Variants in PTPRK observed in about 807,000 individuals in gnomAD.
PTPRK encodes receptor-type tyrosine-protein phosphatase kappa.
In PTPRK, 75 loss-of-function variants were observed where a neutral mutation model predicts 178.0. The observed-to-expected ratio is 0.42, with a 90% CI of 0.35 to 0.51. The LOEUF is 0.51. Ranked by LOEUF, PTPRK falls within the 20% of genes least tolerant of loss-of-function variation. The pLI is 0.02. For missense variants in PTPRK, 1,441 were observed against 1,797.8 expected, an observed-to-expected ratio of 0.80 and a Z score of 3.59; for synonymous variants, 637 against 620.6, an observed-to-expected ratio of 1.03 and a Z score of -0.39.
At chr6:128,220,991 C>A (rs1810301221) in intron 5 of PTPRK, among the ~76,000 whole-genome samples, 3 of 152,124 alleles carry the variant, frequency 2.0e-5, no homozygotes, top group East Asian at 1.9e-4. Flanking sequence ...TAACAAATTT[C>A]TGGCACTCAT....
intron 25 of PTPRK, among the ~76,000 whole-genome samples, chr6:127,979,698 G>A (rs561230339): frequency 7.9e-5 from 12 of 152,264 alleles, no homozygotes; most frequent in East Asian, 3.9e-4. Flanking sequence ...AAGACTACTC[G>A]TAGAAACAGA....
Position 128,082,489 on chromosome 6 carries a change from C to T in PTPRK, c.1725G>A (p.Thr575=), listed in dbSNP as rs780380597. The T allele has an allele frequency of 9.3e-6, 15 of 1,613,396 alleles. No homozygotes were observed. Among genetic ancestry groups the T allele is most frequent in the East Asian group, 4.5e-5 (2 of 44,858 alleles). ...TTYQFFIRAS[T]VKGFGPATAI... is the part of the protein sequence containing the mutation. ...CTGTGGCTGGACCAAAGCCTTTGACCGTGCTGGCTCTTATGAAAAACTGGT... is the reference window on the plus strand; with the variant it reads ...CTGTGGCTGGACCAAAGCCTTTGACTGTGCTGGCTCTTATGAAAAACTGGT... The change falls in exon 10 of 30, where the codon ACG becomes ACA. Residue 575 remains threonine, a synonymous_variant. Coordinates refer to ENST00000368226, the MANE Select transcript of PTPRK (RefSeq NM_002844.4).
At chr6:128,353,258 C>T (rs892868411) in intron 2 of PTPRK, among the ~76,000 whole-genome samples, 4 of 152,124 alleles carry the variant, frequency 2.6e-5, no homozygotes, top group Non-Finnish European at 5.9e-5. Flanking sequence ...TCATACATTG[C>T]TGATGGGAAT....
chr6:127,984,150 T>C (rs1447398190), intron 22 of PTPRK, among the ~76,000 whole-genome samples: 4 of 152,206 alleles, frequency 2.6e-5, no homozygotes, highest in African/African-American at 9.6e-5. Flanking sequence ...CTTGGGTACA[T>C]AGTGATATTT....
chr6:128,394,509 T>C (rs552474952), intron 2 of PTPRK, among the ~76,000 whole-genome samples: 1 of 152,352 alleles, frequency 6.6e-6, no homozygotes, highest in African/African-American at 2.4e-5. Flanking sequence ...TTCCACTGAT[T>C]GTACAGTAGT....
chr6:128,520,456 G>T lies in PTPRK; in HGVS notation c.-98C>A. ...AGGAGCGGGCCGGGCCTCGCGGGGT[G>T]AGGACGGTGAGAGGACAGCCGCCCG... On this transcript the variant is annotated 5_prime_UTR_variant, in exon 1 of 30. Coordinates refer to ENST00000368226, the MANE Select transcript of PTPRK (RefSeq NM_002844.4). 1 of 1,179,232 alleles carries T rather than the reference G, an allele frequency of 8.5e-7. No homozygotes were observed. Among genetic ancestry groups the T allele is most frequent in the Non-Finnish European group, 1.2e-6 (1 of 816,290 alleles). 73.0% of individuals were successfully genotyped at this position (1,179,232 alleles called of 1,614,324 possible).
chr6:128,419,396 A>G (rs1416663269), intron 1 of PTPRK, among the ~76,000 whole-genome samples: 1 of 152,192 alleles, frequency 6.6e-6, no homozygotes, highest in Non-Finnish European at 1.5e-5. Flanking sequence ...GCGGATCACG[A>G]CGTCAGGAGA....
At chr6:128,115,313 G>A (rs1791319592) in intron 7 of PTPRK, among the ~76,000 whole-genome samples, 1 of 152,082 alleles carries the variant, frequency 6.6e-6, no homozygotes, top group South Asian at 2.1e-4. Context: ...TCCCACTTCT[G>A]TAGCAAGTGT....
At chr6:128,420,893 A>G (rs1490438761) in intron 1 of PTPRK, among the ~76,000 whole-genome samples, 3 of 152,190 alleles carry the variant, frequency 2.0e-5, no homozygotes, top group Admixed American at 6.5e-5. Context: ...AGTATAATCA[A>G]TTTCAACTCT....
chr6:128,425,288 A>C (rs772089423), intron 1 of PTPRK, among the ~76,000 whole-genome samples: 13 of 152,034 alleles, frequency 8.6e-5, no homozygotes, highest in Non-Finnish European at 1.8e-4. Context: ...CATGTTAGCC[A>C]GGATGGTCTC....
chr6:128,499,847 G>A (rs1359274382), intron 1 of PTPRK, among the ~76,000 whole-genome samples: 2 of 152,078 alleles, frequency 1.3e-5, no homozygotes, highest in East Asian at 1.9e-4. Context: ...CTATTTCATG[G>A]TTGGTCTGGT....
intron 2 of PTPRK, among the ~76,000 whole-genome samples, chr6:128,353,417 G>A (rs943412990): frequency 6.6e-6 from 1 of 152,126 alleles, no homozygotes; most frequent in African/African-American, 2.4e-5. Context: ...TTAGATGAGT[G>A]TTCATAGCTT....
chr6:128,475,902 G>A (rs1364551893), intron 1 of PTPRK, among the ~76,000 whole-genome samples: 1 of 151,948 alleles, frequency 6.6e-6, no homozygotes, highest in Non-Finnish European at 1.5e-5. Flanking sequence ...TATACACGAT[G>A]TTCAGTGTCA....
chr6:128,046,753 G>T (rs1279879016), intron 13 of PTPRK, among the ~76,000 whole-genome samples: 7 of 152,142 alleles, frequency 4.6e-5, no homozygotes, highest in Admixed American at 2.0e-4. Context: ...ACACAAGAGT[G>T]CAATTTAAGA....
chr6:128,516,143 G>A (rs1314761203), intron 1 of PTPRK, among the ~76,000 whole-genome samples: 4 of 152,140 alleles, frequency 2.6e-5, no homozygotes, highest in Admixed American at 2.6e-4. Flanking sequence ...GTGATCTTGT[G>A]TATATATATG....
At chr6:128,075,858 T>C (rs1783720874) in intron 11 of PTPRK, among the ~76,000 whole-genome samples, 1 of 151,928 alleles carries the variant, frequency 6.6e-6, no homozygotes, top group Admixed American at 6.6e-5. Flanking sequence ...GGAGGTGGGA[T>C]GAATAGATGG....
At chr6:128,105,770 T>G (rs17055287) in intron 7 of PTPRK, among the ~76,000 whole-genome samples, 3,910 of 152,310 alleles carry the variant, frequency 0.026, 76 homozygotes, top group Middle Eastern at 0.092. Context: ...ACATTAAACA[T>G]CTTTTTCATT....
At chr6:128,119,047 G>T (rs1052108147) in intron 7 of PTPRK, among the ~76,000 whole-genome samples, 1 of 152,088 alleles carries the variant, frequency 6.6e-6, no homozygotes, top group Non-Finnish European at 1.5e-5. Context: ...AGCTGTTTCT[G>T]AAAAGCCAGG....
chr6:128,399,616 AT>A (rs58343670), intron 1 of PTPRK, among the ~76,000 whole-genome samples: 6,637 of 152,278 alleles, frequency 0.044, 502 homozygotes, highest in African/African-American at 0.15. Context: ...CTCTAAAATA[AT>A]TTACTGCTTT....
Sources: gnomAD v4.1 joint callset for allele counts (sites outside exome capture counted in the v4.1 genomes callset) on GRCh38, gnomAD v4.1.1 for gene constraint, MANE v1.5 for transcripts, NCBI Gene and HGNC (gene_info 2026-07-23, HGNC 2026-07-21) for gene names.